FGF12: variants seen among roughly 807,000 people sequenced by gnomAD.
FGF12 encodes the protein fibroblast growth factor 12.
FGF12 carries 14 observed loss-of-function variants against 23.6 expected under a neutral mutation model. That is an observed-to-expected ratio of 0.59 (90% confidence interval 0.39 to 0.93). The LOEUF (loss-of-function observed/expected upper bound fraction) is 0.93, where lower values mean the gene tolerates loss of function less well. Ranked by LOEUF, FGF12 falls within the 40% of genes least tolerant of loss-of-function variation. The probability of loss-of-function intolerance (pLI) is 0.00; values close to 1 mark genes in which losing one functional copy is unlikely to be tolerated. For synonymous variants in FGF12, 62 were observed against 77.3 expected (o/e 0.80, Z 1.04); for missense variants, 175 against 217.8 (o/e 0.80, Z 1.24).
intron 2 of FGF12, among the ~76,000 whole-genome samples, chr3:192,618,656 A>G (rs922802973): frequency 6.6e-6 from 1 of 152,150 alleles, no homozygotes; most frequent in Admixed American, 6.6e-5. Flanking sequence ...GTCTCATTTG[A>G]AGCTGCTAAG....
At chr3:192,201,745 T>C (rs1717378364) in intron 4 of FGF12, among the ~76,000 whole-genome samples, 1 of 152,352 alleles carries the variant, frequency 6.6e-6, no homozygotes, top group African/African-American at 2.4e-5. Flanking sequence ...ATTAGCTTAT[T>C]GAAGTCATTA....
chr3:192,565,423 C>T (rs1431005314), intron 2 of FGF12, among the ~76,000 whole-genome samples: 2 of 152,140 alleles, frequency 1.3e-5, no homozygotes, highest in Non-Finnish European at 2.9e-5. Flanking sequence ...TTACACATGG[C>T]GTAACAATGT....
In FGF12 at chr3:192,318,284, T is replaced by C. The variant is rs547150574; in HGVS notation, c.228+17077A>G. Among the ~76,000 whole-genome samples the C allele has an allele frequency of 6.6e-5, 10 of 152,176 alleles. No individual in the cohort carries two copies. The East Asian group carries it at 7.7e-4, about 12-fold the overall frequency. On this transcript the variant is annotated intron_variant, in intron 4 of 5. Coordinates refer to ENST00000445105, the MANE Select transcript of FGF12 (RefSeq NM_004113.6). ...ACCCCAGGGACCAATCCCAGAGAGA[T>C]AGACAGAATTCAAAATAATTGTTTT... is the stretch of plus-strand genomic sequence containing the variant.
chr3:192,670,644 G>A (rs1717076340), intron 2 of FGF12, among the ~76,000 whole-genome samples: 1 of 152,120 alleles, frequency 6.6e-6, no homozygotes. Flanking sequence ...AAATAGACCA[G>A]TGTTCTTGGT....
intron 4 of FGF12, among the ~76,000 whole-genome samples, chr3:192,227,580 TAAA>T (rs778525112): frequency 1.0e-4 from 6 of 60,236 alleles, no homozygotes; most frequent in South Asian, 4.6e-4. Flanking sequence ...GAACTTAAAG[TAAA>T]AAAAAAAAAA....
intron 2 of FGF12, among the ~76,000 whole-genome samples, chr3:192,455,884 C>T (rs1036168469): frequency 2.0e-5 from 3 of 152,164 alleles, no homozygotes; most frequent in Non-Finnish European, 4.4e-5. Flanking sequence ...CACATACATG[C>T]ATTAAAAATC....
chr3:192,706,262 T>A (rs1718466019), intron 2 of FGF12, among the ~76,000 whole-genome samples: 1 of 152,182 alleles, frequency 6.6e-6, no homozygotes, highest in South Asian at 2.1e-4. Context: ...CTCAATGATA[T>A]CCTTAAATAA....
chr3:192,432,024 C>T (rs1410954553), intron 2 of FGF12, among the ~76,000 whole-genome samples: 1 of 152,136 alleles, frequency 6.6e-6, no homozygotes, highest in Non-Finnish European at 1.5e-5. Flanking sequence ...ATTCCATCAC[C>T]GTTCACCTCG....
At chr3:192,429,935 G>C (rs2108789543) in intron 2 of FGF12, among the ~76,000 whole-genome samples, 1 of 152,226 alleles carries the variant, frequency 6.6e-6, no homozygotes, top group South Asian at 2.1e-4. Flanking sequence ...AAGCCACACA[G>C]AGTAGATTTT....
intron 3 of FGF12, among the ~76,000 whole-genome samples, chr3:192,351,002 T>G (rs142278507): frequency 6.6e-6 from 1 of 152,236 alleles, no homozygotes; most frequent in African/African-American, 2.4e-5. Context: ...GTATTGAGAA[T>G]TGCTGGAAAT....
chr3:192,383,675 G>A (rs907757751), intron 2 of FGF12, among the ~76,000 whole-genome samples: 5 of 152,024 alleles, frequency 3.3e-5, no homozygotes, highest in Non-Finnish European at 5.9e-5. Context: ...TAGGTTTTAT[G>A]GCTATATATT....
intron 4 of FGF12, among the ~76,000 whole-genome samples, chr3:192,206,238 G>T (rs1030156447): frequency 2.0e-5 from 3 of 152,138 alleles, no homozygotes; most frequent in African/African-American, 7.2e-5. Context: ...AGCAGCAACG[G>T]AAGGGGAAAT....
intron 2 of FGF12, among the ~76,000 whole-genome samples, chr3:192,482,245 A>G (rs1394103790): frequency 6.6e-6 from 1 of 152,188 alleles, no homozygotes; most frequent in African/African-American, 2.4e-5. Context: ...AAACATATTC[A>G]TATATTATTT....
chr3:192,281,221 AG>A (rs1714123130), intron 4 of FGF12, among the ~76,000 whole-genome samples: 1 of 152,188 alleles, frequency 6.6e-6, no homozygotes, highest in South Asian at 2.1e-4. Flanking sequence ...CCTCTAGGGA[AG>A]AATCCTAGTT....
At chr3:192,634,826 G>A (rs1304127032) in intron 2 of FGF12, among the ~76,000 whole-genome samples, 2 of 152,054 alleles carry the variant, frequency 1.3e-5, no homozygotes, top group Non-Finnish European at 2.9e-5. Flanking sequence ...AAGAATAACT[G>A]ATTTTAGGTA....
intron 4 of FGF12, among the ~76,000 whole-genome samples, chr3:192,175,781 CTAGTCTCT>C (rs1715825402): frequency 6.6e-6 from 1 of 152,268 alleles, no homozygotes; most frequent in Admixed American, 6.5e-5. Context: ...AGGACCCCTT[CTAGTCTCT>C]CCCCATCCCA....
chr3:192,389,998 T>TAGTC (rs1720225637), intron 2 of FGF12, among the ~76,000 whole-genome samples: 2 of 152,248 alleles, frequency 1.3e-5, no homozygotes, highest in African/African-American at 4.8e-5. Flanking sequence ...GGCTGACTCA[T>TAGTC]AGTCGCTGAC....
intron 2 of FGF12, among the ~76,000 whole-genome samples, chr3:192,691,876 T>C (rs1001897402): frequency 2.0e-5 from 3 of 149,592 alleles, no homozygotes; most frequent in African/African-American, 7.3e-5. Context: ...CATGAAGGAC[T>C]ATCATGAAAA....
chr3:192,428,909 C>T (rs1403217644), intron 2 of FGF12, among the ~76,000 whole-genome samples: 1 of 151,920 alleles, frequency 6.6e-6, no homozygotes, highest in Non-Finnish European at 1.5e-5. Context: ...CCTCCATTGC[C>T]GTCTTTTCCT....
Sources: gnomAD v4.1 joint callset for allele counts (sites outside exome capture counted in the v4.1 genomes callset) on GRCh38, gnomAD v4.1.1 for gene constraint, MANE v1.5 for transcripts, NCBI Gene and HGNC (gene_info 2026-07-23, HGNC 2026-07-21) for gene names.